The following IQGAP1 variants were observed in gnomAD, a reference collection of about 807,000 sequenced individuals.
IQGAP1 encodes ras GTPase-activating-like protein IQGAP1.
Under a neutral mutation model 215.6 loss-of-function variants are expected in IQGAP1, and 66 were observed. The ratio of observed to expected loss-of-function variants is 0.31; its 90% CI spans 0.25 to 0.38. The LOEUF is 0.38. Ranked by LOEUF, IQGAP1 falls within the 10% of genes least tolerant of loss-of-function variation. The probability of loss-of-function intolerance (pLI) is 1.00; values close to 1 mark genes in which losing one functional copy is unlikely to be tolerated. For synonymous variants in IQGAP1, 772 were observed against 728.7 expected, an observed-to-expected ratio of 1.06 and a Z score of -0.96; for missense variants, 1,712 against 1,997.1, an observed-to-expected ratio of 0.86 and a Z score of 2.72.
rs761976560 is a variant in IQGAP1, at chr15:90,491,445, A to G, written c.4361A>G (p.Glu1454Gly). ...VKEDSNLTLQ[E>G]KKEKIQTGLK... ...GAAGACAGCAACCTCACTCTTCAAG[A>G]GAAGAAAGAGAAGATCCAGACAGGT... The change falls in exon 34 of 38, where the codon GAG (glutamate) becomes GGG (glycine). Residue 1454 changes from glutamate (E) to glycine (G), a missense_variant. Coordinates refer to ENST00000268182, the MANE Select transcript of IQGAP1 (RefSeq NM_003870.4). 4 of 1,613,998 alleles carry G rather than the reference A, an allele frequency of 2.5e-6. No individual in the cohort carries two copies. The highest frequency in any genetic ancestry group is 3.4e-6 in the Non-Finnish European group (4 of 1,179,952).
At chr15:90,401,104 C>G (rs571834224) in intron 2 of IQGAP1, among the ~76,000 whole-genome samples, 1 of 151,984 alleles carries the variant, frequency 6.6e-6, no homozygotes, top group Non-Finnish European at 1.5e-5. Flanking sequence ...TTGAGTTAGC[C>G]GAGTGAAGTG....
At chr15:90,492,441 A>AAT in intron 34 of IQGAP1, 104 bp from the exon 35 acceptor site, 14 of 667,896 alleles carry the variant, frequency 2.1e-5, no homozygotes, top group Non-Finnish European at 3.2e-5. Flanking sequence ...AAAAAAAAAA[A>AAT]GTAGGTAGTC....
Position 90,484,699 on chromosome 15 carries a change from C to T in IQGAP1, c.3921+347C>T, listed in dbSNP as rs148315578. On this transcript the variant is annotated intron_variant, in intron 30 of 37. Coordinates refer to ENST00000268182, the MANE Select transcript of IQGAP1 (RefSeq NM_003870.4). ...AAATTTTTTGAATTTTTGGTAGAGA[C>T]GGGGTTTCACTGTGTTAGCCAGCAT... 7.4e-3 allele frequency among the ~76,000 whole-genome samples: 1,127 copies of T among 152,140 alleles called. 10 individuals carry two copies. The highest frequency in any genetic ancestry group is 0.025 in the African/African-American group (1,044 of 41,508).
intron 2 of IQGAP1, among the ~76,000 whole-genome samples, chr15:90,409,893 T>C (rs1964934345): frequency 6.6e-6 from 1 of 152,240 alleles, no homozygotes; most frequent in Non-Finnish European, 1.5e-5. Context: ...ATTTCTCTGA[T>C]GACCAGTGAT....
chr15:90,454,801 G>T (rs542955209), intron 14 of IQGAP1, among the ~76,000 whole-genome samples: 71 of 152,268 alleles, frequency 4.7e-4, no homozygotes, highest in African/African-American at 1.5e-3. Flanking sequence ...TTTAAATGCT[G>T]TTATAACAAG....
intron 2 of IQGAP1, 61 bp from the exon 3 acceptor site, chr15:90,426,049 T>C (rs190910317): frequency 6.7e-7 from 1 of 1,502,312 alleles, no homozygotes; most frequent in African/African-American, 1.4e-5. Flanking sequence ...AAGCTTAAAA[T>C]CTCTAAGGAA....
Position 90,477,157 on chromosome 15 carries a change from A to G in IQGAP1, c.3031A>G (p.Asn1011Asp). ...GGACTCTGTAATCTTCACACTCTACAACTACGCGTCCAACCAGCGAGAGGA... is the reference window on the plus strand; with the variant it reads ...GGACTCTGTAATCTTCACACTCTACGACTACGCGTCCAACCAGCGAGAGGA... ...FMDSVIFTLY[N>D]YASNQREEYL... is the part of the protein sequence containing the mutation. The change falls in exon 25 of 38, where the codon AAC becomes GAC. Residue 1011 changes from asparagine (N) to aspartate (D), a missense_variant. Physicochemically the swap from Asn to Asp is conservative, Grantham distance 23. Around this residue, in one of 2 missense-constraint regions of IQGAP1, gnomAD observed 691 missense variants for 923.0 expected, o/e 0.75. Coordinates refer to ENST00000268182, the MANE Select transcript of IQGAP1 (RefSeq NM_003870.4). The G allele has an allele frequency of 6.2e-7, 1 of 1,614,046 alleles. No individual in the cohort carries two copies. Among genetic ancestry groups the G allele is most frequent in the Non-Finnish European group, 8.5e-7 (1 of 1,179,990 alleles).
At chr15:90,474,785 C>A in intron 23 of IQGAP1, 92 bp downstream of exon 23, 1 of 958,188 alleles carries the variant, frequency 1.0e-6, no homozygotes, top group Non-Finnish European at 1.7e-6. Context: ...AGGGTGGAGG[C>A]TGACTTTCTC....
chr15:90,447,105 T>A (rs1041026256), intron 9 of IQGAP1, among the ~76,000 whole-genome samples: 1 of 152,238 alleles, frequency 6.6e-6, no homozygotes, highest in African/African-American at 2.4e-5. Flanking sequence ...GATATTTGTT[T>A]TTTTCACAAT....
Position 90,389,238 on chromosome 15 carries a change from A to G in IQGAP1, c.55+842A>G, listed in dbSNP as rs138192970. Among the ~76,000 whole-genome samples, 156 of 152,258 alleles carry G rather than the reference A, an allele frequency of 1.0e-3. 2 individuals carry two copies. The highest frequency in any genetic ancestry group is 1.9e-3 in the East Asian group (10 of 5,176). On this transcript the variant is annotated intron_variant, in intron 1 of 37. Transcript: ENST00000268182. Reference sequence around the variant, plus strand: ...GAGTCAGGTGTGCAAGCTAATGATTATAAGGTGCAATAATGATAAAAGATG... The same window carrying G: ...GAGTCAGGTGTGCAAGCTAATGATTGTAAGGTGCAATAATGATAAAAGATG...
At chr15:90,461,593 C>T (rs1047478463) in intron 15 of IQGAP1, among the ~76,000 whole-genome samples, 4 of 152,136 alleles carry the variant, frequency 2.6e-5, no homozygotes, top group Non-Finnish European at 5.9e-5. Context: ...AATCCCGGCA[C>T]TTTGGGAGGT....
intron 2 of IQGAP1, among the ~76,000 whole-genome samples, chr15:90,392,976 C>T (rs1279481147): frequency 6.6e-6 from 1 of 151,902 alleles, no homozygotes; most frequent in Non-Finnish European, 1.5e-5. Flanking sequence ...AACTCCTGAC[C>T]TCAGGTGATC....
chr15:90,434,343 C>A (rs1965341581), intron 5 of IQGAP1, among the ~76,000 whole-genome samples: 1 of 151,862 alleles, frequency 6.6e-6, no homozygotes, highest in Non-Finnish European at 1.5e-5. Flanking sequence ...GAGGCTGAGG[C>A]AGGAGAATTG....
chr15:90,419,956 T>A (rs1423617121), intron 2 of IQGAP1, among the ~76,000 whole-genome samples: 19 of 152,228 alleles, frequency 1.2e-4, no homozygotes, highest in Admixed American at 1.2e-3. Context: ...CCTGGTAACG[T>A]TTTGAGTACT....
At chr15:90,438,229 T>C (rs1965397273) in intron 5 of IQGAP1, among the ~76,000 whole-genome samples, 1 of 152,236 alleles carries the variant, frequency 6.6e-6, no homozygotes, top group Non-Finnish European at 1.5e-5. Flanking sequence ...GTCAATATCT[T>C]GCTTTTGTCA....
chr15:90,466,403 C>T lies in IQGAP1; in HGVS notation c.2002C>T (p.Leu668Phe), dbSNP rs774586260. The T allele has an allele frequency of 1.9e-6, 3 of 1,614,074 alleles. No individual in the cohort carries two copies. The East Asian group carries it at 6.7e-5, about 36-fold the overall frequency. Residue 668 changes from leucine (L) to phenylalanine (F), a missense_variant, in exon 17 of 38, where the codon CTT becomes TTT. Coordinates refer to ENST00000268182, the MANE Select transcript of IQGAP1 (RefSeq NM_003870.4). ...GTGTGGTGAAACTTACCACAGTGAT[C>T]TTGCTGAAGCCAAGAAGAAAAAACT... ...PECGETYHSD[L>F]AEAKKKKLAV...
chr15:90,412,014 T>C (rs1015692998), intron 2 of IQGAP1, among the ~76,000 whole-genome samples: 1 of 152,208 alleles, frequency 6.6e-6, no homozygotes, highest in Non-Finnish European at 1.5e-5. Context: ...CCCATCACTA[T>C]GATCTAGTTT....
intron 14 of IQGAP1, among the ~76,000 whole-genome samples, chr15:90,455,422 G>T (rs1322072447): frequency 1.3e-5 from 2 of 152,046 alleles, no homozygotes; most frequent in African/African-American, 2.4e-5. Context: ...ATAAATTCAG[G>T]TGTGGGCGGA....
chr15:90,406,214 A>G (rs1213540060), intron 2 of IQGAP1, among the ~76,000 whole-genome samples: 2 of 152,248 alleles, frequency 1.3e-5, no homozygotes, highest in Admixed American at 1.3e-4. Context: ...ACTTAGCGAG[A>G]AAAGTGATGC....
Sources: gnomAD v4.1 joint callset for allele counts (sites outside exome capture counted in the v4.1 genomes callset) on GRCh38, gnomAD v4.1.1 for gene constraint, gnomAD v4.1.1 regional missense constraint, MANE v1.5 for transcripts, NCBI Gene and HGNC (gene_info 2026-07-23, HGNC 2026-07-21) for gene names.